The following DNAH5 variants were observed in gnomAD, a reference collection of about 807,000 sequenced individuals.
DNAH5 encodes the protein dynein axonemal heavy chain 5, also known as axonemal beta dynein heavy chain 5.
In DNAH5, 372 loss-of-function variants were observed where a neutral mutation model predicts 518.2. The ratio of observed to expected loss-of-function variants is 0.72; its 90% CI spans 0.66 to 0.78. DNAH5 has a LOEUF of 0.78. DNAH5 is among the 30% of genes least tolerant of loss of function. The pLI, the probability that DNAH5 is intolerant of heterozygous loss-of-function variation, is 0.00. For missense variants in DNAH5, 5,523 were observed against 5,687.0 expected (o/e 0.97, Z 0.93); for synonymous variants, 2,039 against 2,025.9 (o/e 1.01, Z -0.17).
intron 76 of DNAH5, among the ~76,000 whole-genome samples, chr5:13,701,736 A>G (rs181012250): frequency 2.6e-5 from 4 of 152,352 alleles, no homozygotes; most frequent in African/African-American, 9.6e-5. Context: ...CCATGTACCA[A>G]TATATTCATC....
rs529566682 is a variant in DNAH5 at position 13,750,401 on chromosome 5, G to C, written c.11211+677C>G. Among the ~76,000 whole-genome samples the C allele has an allele frequency of 5.3e-5, 8 of 152,298 alleles. No individual in the cohort carries two copies. The South Asian group carries it at 1.7e-3, about 32-fold the overall frequency. ...TAAAGAAAATGCTCACTCGAAAGAA[G>C]GAAGTTTACAAATGTGTGCCCATTT... On this transcript the variant is annotated intron_variant, in intron 65 of 78. Coordinates refer to ENST00000265104, the MANE Select transcript of DNAH5 (RefSeq NM_001369.3).
Position 13,714,469 on chromosome 5 carries a change from GC to G in DNAH5, c.13060del (p.Ala4354ArgfsTer23), listed in dbSNP as rs1370489117. On this transcript the variant is annotated frameshift_variant, in exon 75 of 79. Transcript: ENST00000265104. LOFTEE classifies it high-confidence loss of function. ...ATCATCAGCCAGCCGGGCCACCACC[GC>G]CTCCCGGGTCTCATCCCCTCCACCA... ...TSGGGDETREAVVARLADDML... is the reference protein window; with the variant it reads ...TSGGGDETREXVVARLADDML... The G allele has an allele frequency of 9.3e-6, 15 of 1,613,984 alleles. No individual in the cohort carries two copies. Among genetic ancestry groups the G allele is most frequent in the Admixed American group, 1.7e-5 (1 of 60,010 alleles).
intron 1 of DNAH5, among the ~76,000 whole-genome samples, chr5:13,976,891 CATTT>C (rs1458240901): frequency 2.0e-5 from 3 of 152,062 alleles, no homozygotes; most frequent in Non-Finnish European, 4.4e-5. Flanking sequence ...TGAAAAATAA[CATTT>C]ATAAGTGTCA....
At chr5:13,737,849 G>T (rs558720399) in intron 65 of DNAH5, among the ~76,000 whole-genome samples, 79 of 152,128 alleles carry the variant, frequency 5.2e-4, no homozygotes, top group Admixed American at 2.0e-3. Context: ...ATCATTTGAG[G>T]TCAGGAGTTT....
rs760521040 is a variant in DNAH5 at position 13,753,244 on chromosome 5, T to A, written c.10861A>T (p.Asn3621Tyr). 18 of 1,613,514 alleles carry A rather than the reference T, an allele frequency of 1.1e-5. No homozygotes were observed. The highest frequency in any genetic ancestry group is 1.4e-5 in the Non-Finnish European group (16 of 1,179,618). ...KIWIKNKESR[N>Y]ELQITSLNHK... The stretch of plus-strand genomic sequence containing the variant: ...AAAACACAAATTACCTGGAGTTCAT[T>A]TCGGCTTTCTTTATTTTTAATCCAG... Residue 3621 changes from asparagine to tyrosine, a missense_variant, in exon 63 of 79, where the codon AAT (asparagine) becomes TAT (tyrosine). This residue lies in a region of DNAH5 where 5,121 missense variants were observed against 5,223.3 expected (regional missense o/e 0.98). Transcript: ENST00000265104.
chr5:13,854,860 T>A (rs1767396765), intron 30 of DNAH5, among the ~76,000 whole-genome samples: 1 of 152,194 alleles, frequency 6.6e-6, no homozygotes, highest in Non-Finnish European at 1.5e-5. Context: ...AGCACCCAGG[T>A]TCATAAAGCA....
chr5:13,729,357 C>G, intron 69 of DNAH5, 82 bp downstream of exon 69: 1 of 1,571,104 alleles, frequency 6.4e-7, no homozygotes, highest in Non-Finnish European at 8.7e-7. Context: ...AACTATCTCT[C>G]TTCCACAAAT....
intron 35 of DNAH5, 90 bp from the exon 36 acceptor site, chr5:13,830,865 T>TA (rs1034483925): frequency 6.0e-6 from 8 of 1,336,480 alleles, no homozygotes; most frequent in African/African-American, 4.3e-5. Flanking sequence ...CACACAAGAT[T>TA]AAAAAACAAA....
In DNAH5 at chr5:13,707,420, T is replaced by C. The variant is rs10070605; in HGVS notation, c.13338+703A>G. 0.011 allele frequency among the ~76,000 whole-genome samples: 1,653 copies of C among 152,306 alleles called. 38 individuals carry two copies. The highest frequency in any genetic ancestry group is 0.037 in the African/African-American group (1,533 of 41,568). The stretch of plus-strand genomic sequence containing the variant: ...TGTCCTTGCGATAAAGAGGGTCTAA[T>C]TGAGCTGATTAACGCGAGCCATCTG... On this transcript the variant is annotated intron_variant, in intron 76 of 78. Transcript: ENST00000265104. This position sits in a 1 kb window ranked among gnomAD's most constrained non-coding sequence, Gnocchi z 4.0.
intron 15 of DNAH5, chr5:13,896,634 G>A (rs1477529027): frequency 6.6e-6 from 1 of 152,152 alleles, no homozygotes; most frequent in East Asian, 1.9e-4. Context: ...TTTGTCCAGT[G>A]AGCCTGAACC....
intron 15 of DNAH5, chr5:13,899,597 C>T (rs139850166): frequency 6.5e-6 from 1 of 152,794 alleles, no homozygotes; most frequent in East Asian, 1.9e-4. Flanking sequence ...ACACTAGTTT[C>T]GGTTTTCGCC....
rs139692203 is a variant in DNAH5 at position 13,987,213 on chromosome 5, C to T, written c.12+24435G>A. On this transcript the variant is annotated intron_variant, in intron 1 of 78. Transcript: ENST00000681290. ...CTCTTGCCTTCCTGGGATTGGACCC[C>T]TCATAAATTTCATAACACAAATCCT... is the stretch of plus-strand genomic sequence containing the variant. Among the ~76,000 whole-genome samples, 476 of 152,098 alleles carry T rather than the reference C, an allele frequency of 3.1e-3. 4 individuals carry two copies. Among genetic ancestry groups the T allele is most frequent in the African/African-American group, 0.011 (458 of 41,468 alleles).
chr5:13,903,408 T>C (rs940409191), intron 12 of DNAH5, among the ~76,000 whole-genome samples: 4 of 151,978 alleles, frequency 2.6e-5, no homozygotes, highest in Non-Finnish European at 5.9e-5. Context: ...CTAAGATATT[T>C]AAAATGAGAA....
In DNAH5 at chr5:13,891,027, C is replaced by G; in HGVS notation, c.2526G>C (p.Gln842His). ...AGGTTAGTGGCTCCTCCTGGGGAAGCTGACAAAGAGGCGTGCTGCTCATTT... is the reference window on the plus strand; with the variant it reads ...AGGTTAGTGGCTCCTCCTGGGGAAGGTGACAAAGAGGCGTGCTGCTCATTT... ...LEEMSSTPLC[Q>H]LPQEEPLTCE... is the part of the protein sequence containing the mutation. The change falls in exon 17 of 79, where the codon CAG becomes CAC. Residue 842 changes from glutamine to histidine, a missense_variant. Gln to His is a conservative substitution (Grantham distance 24). Transcript: ENST00000265104. 1 of 1,614,128 alleles carries G rather than the reference C, an allele frequency of 6.2e-7. No individual in the cohort carries two copies. The highest frequency in any genetic ancestry group is 1.1e-5 in the South Asian group (1 of 91,072).
At chr5:13,982,968 C>A (rs1466610513) in intron 1 of DNAH5, among the ~76,000 whole-genome samples, 1 of 152,220 alleles carries the variant, frequency 6.6e-6, no homozygotes, top group Non-Finnish European at 1.5e-5. Flanking sequence ...CCAAAAGGGG[C>A]ATATCTGGTA....
intron 19 of DNAH5, among the ~76,000 whole-genome samples, chr5:13,883,323 C>T (rs144845882): frequency 6.6e-6 from 1 of 152,100 alleles, no homozygotes; most frequent in Non-Finnish European, 1.5e-5. Context: ...TCTTGGAATA[C>T]TCTCCACAAT....
chr5:13,714,615 C>T lies in DNAH5; in HGVS notation c.12915G>A (p.Leu4305=). 6.2e-7 allele frequency: 1 copy of T among 1,613,876 alleles called. No homozygotes were observed. The highest frequency in any genetic ancestry group is 8.5e-7 in the Non-Finnish European group (1 of 1,179,984). Residue 4305 remains leucine, a synonymous_variant, in exon 75 of 79, where the codon TTG becomes TTA. Transcript: ENST00000265104. ...VDNYLQYIQS[L]PAYDSPEVFG... ...ACACCTCAGGGCTGTCATAGGCAGG[C>T]AAACTCTGAACAACAGACACCCCAG... is the stretch of plus-strand genomic sequence containing the variant.
At chr5:13,769,804 T>A (rs1753080743) in intron 56 of DNAH5, among the ~76,000 whole-genome samples, 189 bp from the exon 57 acceptor site, 1 of 152,230 alleles carries the variant, frequency 6.6e-6, no homozygotes, top group Non-Finnish European at 1.5e-5. Context: ...ACATGTATGT[T>A]CTTTACAGAC....
Position 13,871,435 on chromosome 5 carries a change from G to T in DNAH5, c.3598+129C>A, listed in dbSNP as rs1007727335. The T allele has an allele frequency of 6.4e-6, 5 of 785,600 alleles. No individual in the cohort carries two copies. The East Asian group carries it at 1.3e-4, about 21-fold the overall frequency. The allele number at this position is 785,600 out of a possible 1,614,324, so 48.7% of individuals were successfully genotyped here. On this transcript the variant is annotated intron_variant, in intron 23 of 78. Coordinates refer to ENST00000265104, the MANE Select transcript of DNAH5 (RefSeq NM_001369.3). ...AAAATTTTTTAAAAATCCACAAATT[G>T]GTTTTAAAGCTTGAGGCCCATAAAG...
Sources: allele counts gnomAD v4.1 joint callset (sites outside exome capture counted in the v4.1 genomes callset), GRCh38; gene constraint gnomAD v4.1.1; regional missense constraint gnomAD v4.1.1; non-coding constraint Gnocchi (gnomAD v3.1); transcripts MANE v1.5; gene names NCBI Gene and HGNC (gene_info 2026-07-23, HGNC 2026-07-21).